Variants in ACTR3C observed in about 807,000 individuals in gnomAD.
The protein encoded by ACTR3C is actin related protein 3C.
Under a neutral mutation model 26.3 loss-of-function variants are expected in ACTR3C, and 18 were observed. The ratio of observed to expected loss-of-function variants is 0.68; its 90% CI spans 0.47 to 1.01. The LOEUF (loss-of-function observed/expected upper bound fraction) is 1.01, where lower values mean the gene tolerates loss of function less well. ACTR3C is among the 50% of genes least tolerant of loss of function. The pLI, the probability that ACTR3C is intolerant of heterozygous loss-of-function variation, is 0.00. For missense variants in ACTR3C, 184 were observed against 250.7 expected (o/e 0.73, Z 1.80); for synonymous variants, 55 against 94.5 (o/e 0.58, Z 2.42).
the ACTR3C span, among the ~76,000 whole-genome samples, chr7:149,918,409 G>A: frequency 6.6e-6 from 1 of 152,268 alleles, no homozygotes; most frequent in Admixed American, 6.5e-5. Flanking sequence ...AAAAAATTTA[G>A]GCCAGGCGCA....
At chr7:150,137,878 T>C in the ACTR3C span, among the ~76,000 whole-genome samples, 1 of 152,244 alleles carries the variant, frequency 6.6e-6, no homozygotes, top group African/African-American at 2.4e-5. Flanking sequence ...TATAGTCTTA[T>C]ACTGCTAAAA....
chr7:150,278,431 G>T (rs1480738894), intron 6 of ACTR3C, among the ~76,000 whole-genome samples: 2 of 152,236 alleles, frequency 1.3e-5, no homozygotes, highest in South Asian at 2.1e-4. Flanking sequence ...AGCACCATTG[G>T]AGAGCACGGA....
At chr7:149,923,046 G>A in the ACTR3C span, among the ~76,000 whole-genome samples, 3 of 127,090 alleles carry the variant, frequency 2.4e-5, no homozygotes, top group South Asian at 2.6e-4. Flanking sequence ...AGAGATGCAA[G>A]CTAATTTCAT....
the ACTR3C span, among the ~76,000 whole-genome samples, chr7:150,198,043 G>C: frequency 6.6e-6 from 1 of 151,384 alleles, no homozygotes; most frequent in Admixed American, 6.6e-5. Flanking sequence ...ACGGGGTTTC[G>C]CTGTGTTGGC....
At chr7:150,319,286 C>T (rs1336405719) in intron 1 of ACTR3C, among the ~76,000 whole-genome samples, 1 of 151,782 alleles carries the variant, frequency 6.6e-6, no homozygotes, top group African/African-American at 2.4e-5. Context: ...TGGCTCACCA[C>T]AAGCTCCGCC....
At chr7:150,281,150 C>T (rs2129611939) in intron 6 of ACTR3C, among the ~76,000 whole-genome samples, 1 of 152,146 alleles carries the variant, frequency 6.6e-6, no homozygotes. Context: ...TCTTACCCGG[C>T]AAGAGTGACC....
intron 6 of ACTR3C, among the ~76,000 whole-genome samples, chr7:150,259,707 A>C (rs1218417377): frequency 3.9e-5 from 6 of 152,154 alleles, no homozygotes; most frequent in Admixed American, 1.3e-4. Context: ...CTAGATGGTC[A>C]TTATAATGAT....
At chr7:149,882,488 A>ACGTCTTC in the ACTR3C span, among the ~76,000 whole-genome samples, 2 of 152,026 alleles carry the variant, frequency 1.3e-5, no homozygotes, top group Non-Finnish European at 2.9e-5. Flanking sequence ...GGCCTTTCTC[A>ACGTCTTC]CATCTTCCAT....
chr7:150,104,092 T>G, the ACTR3C span, among the ~76,000 whole-genome samples: 2 of 151,662 alleles, frequency 1.3e-5, no homozygotes, highest in Admixed American at 6.6e-5. Context: ...TTTCCAGTCT[T>G]TTTTCTAAAC....
At chr7:150,323,208 C>T (rs1231564915) in intron 1 of ACTR3C, 7 of 235,122 alleles carry the variant, frequency 3.0e-5, no homozygotes, top group African/African-American at 1.4e-4. Flanking sequence ...ACTCAGGCAC[C>T]GCAGGTAGGA....
the ACTR3C span, among the ~76,000 whole-genome samples, chr7:150,041,155 C>A: frequency 2.7e-5 from 4 of 150,544 alleles, no homozygotes; most frequent in African/African-American, 7.5e-5. Flanking sequence ...TCTTGTAACT[C>A]ATGAAAAACT....
At chr7:149,927,532 C>T in the ACTR3C span, among the ~76,000 whole-genome samples, 4 of 151,792 alleles carry the variant, frequency 2.6e-5, no homozygotes, top group East Asian at 3.9e-4. Context: ...AGTTCAAGAC[C>T]GGCCTGACCA....
the ACTR3C span, among the ~76,000 whole-genome samples, chr7:150,098,440 C>T: frequency 7.7e-4 from 112 of 145,648 alleles, no homozygotes; most frequent in Admixed American, 1.2e-3. Context: ...GCTCATTGTC[C>T]GTAGGATACA....
At chr7:150,158,848 A>G in the ACTR3C span, among the ~76,000 whole-genome samples, 4 of 148,120 alleles carry the variant, frequency 2.7e-5, no homozygotes, top group Non-Finnish European at 6.0e-5. Flanking sequence ...ACACACAGGC[A>G]CACACACAGG....
At chr7:150,035,052 C>T in the ACTR3C span, among the ~76,000 whole-genome samples, 21 of 132,026 alleles carry the variant, frequency 1.6e-4, no homozygotes, top group Admixed American at 7.7e-4. Context: ...AGTAATCCCA[C>T]GTAAGGTACC....
downstream of ACTR3C, among the ~76,000 whole-genome samples, chr7:150,242,334 G>C (rs1378347650): frequency 6.7e-6 from 1 of 149,916 alleles, no homozygotes; most frequent in East Asian, 1.9e-4. Context: ...TGCATGAACT[G>C]TACAATCTAC....
chr7:150,166,482 T>G, the ACTR3C span, among the ~76,000 whole-genome samples: 4 of 150,814 alleles, frequency 2.7e-5, no homozygotes, highest in African/African-American at 1.0e-4. Flanking sequence ...GTAGATCACT[T>G]GAGGTCAGGA....
the ACTR3C span, among the ~76,000 whole-genome samples, chr7:150,115,184 C>A: frequency 2.0e-5 from 3 of 152,158 alleles, no homozygotes; most frequent in African/African-American, 7.2e-5. Context: ...TTACTCAATG[C>A]CTGTCAATAT....
At chr7:150,135,871 GGAAAA>G in the ACTR3C span, among the ~76,000 whole-genome samples, 353 of 138,180 alleles carry the variant, frequency 2.6e-3, 1 homozygote, top group African/African-American at 9.8e-3. Flanking sequence ...AAAAGGAAAA[GGAAAA>G]GAAAAGAAAA....
Sources: gnomAD v4.1 joint callset for allele counts (sites outside exome capture counted in the v4.1 genomes callset) on GRCh38, gnomAD v4.1.1 for gene constraint, MANE v1.5 for transcripts, NCBI Gene and HGNC (gene_info 2026-07-23, HGNC 2026-07-21) for gene names.